Variants in DAPK2 observed in about 807,000 individuals in gnomAD.
DAPK2 encodes the protein death associated protein kinase 2.
In DAPK2, 35 loss-of-function variants were observed where a neutral mutation model predicts 44.1. The ratio of observed to expected loss-of-function variants is 0.79; its 90% CI spans 0.61 to 1.05. The LOEUF is 1.05. Ranked by LOEUF, DAPK2 falls within the 50% of genes least tolerant of loss-of-function variation. The probability of loss-of-function intolerance (pLI) is 0.00; values close to 1 mark genes in which losing one functional copy is unlikely to be tolerated. For synonymous variants in DAPK2, 174 were observed against 182.6 expected (o/e 0.95, Z 0.38); for missense variants, 453 against 483.2 (o/e 0.94, Z 0.59).
chr15:64,003,555 G>A (rs2079152174), intron 1 of DAPK2, among the ~76,000 whole-genome samples: 2 of 152,154 alleles, frequency 1.3e-5, no homozygotes, highest in Admixed American at 1.3e-4. Context: ...CAGTCATCCT[G>A]TCTTGGGTCT....
intron 1 of DAPK2, among the ~76,000 whole-genome samples, chr15:63,995,777 G>A (rs1270135341): frequency 6.6e-6 from 1 of 152,242 alleles, no homozygotes; most frequent in African/African-American, 2.4e-5. Flanking sequence ...AGGGTGAGCA[G>A]GTCCTGCTGC....
In DAPK2 at chr15:63,923,324, G is replaced by T; in HGVS notation, c.858+1492C>A. ...GGGCTCTGTCTTCCGCTGTTCAGGG[G>T]CTCTGCCTTCTCCTTTTGACTGGTG... is the stretch of plus-strand genomic sequence containing the variant. On this transcript the variant is annotated intron_variant, in intron 8 of 10. Coordinates refer to ENST00000261891, the Ensembl canonical transcript of DAPK2. This position sits in a 1 kb window ranked among gnomAD's most constrained non-coding sequence, Gnocchi z 4.2. The T allele has an allele frequency of 6.5e-7, 1 of 1,535,522 alleles. No individual in the cohort carries two copies. Among genetic ancestry groups the T allele is most frequent in the Non-Finnish European group, 8.7e-7 (1 of 1,146,410 alleles).
chr15:64,007,126 T>C (rs562817178), intron 1 of DAPK2, among the ~76,000 whole-genome samples: 35 of 151,052 alleles, frequency 2.3e-4, no homozygotes, highest in African/African-American at 7.7e-4. Context: ...TCCTAGCTAA[T>C]TGAAAAAAAA....
exon 2 of DAPK2, chr15:63,983,685 G>C: frequency 6.2e-7 from 1 of 1,613,880 alleles, no homozygotes; most frequent in Non-Finnish European, 8.5e-7. Flanking sequence ...GCCGCTTCTT[G>C]ATGAACTTGG....
chr15:63,967,482 G>A (rs1475573011), intron 3 of DAPK2, among the ~76,000 whole-genome samples: 1 of 152,114 alleles, frequency 6.6e-6, no homozygotes, highest in African/African-American at 2.4e-5. Context: ...CCTGAGGTCA[G>A]CAGTTCAAGA....
At chr15:64,044,816 C>T (rs1324310825), upstream of DAPK2, among the ~76,000 whole-genome samples, 3 of 152,170 alleles carry the variant, frequency 2.0e-5, no homozygotes, top group Non-Finnish European at 2.9e-5. Context: ...GTGAGTGAAA[C>T]GGGACCACAG....
rs145293813 is a variant in DAPK2, at chr15:63,960,600, C to T, written c.453+10823G>A. Among the ~76,000 whole-genome samples, 783 of 152,298 alleles carry T rather than the reference C, an allele frequency of 5.1e-3. 3 individuals are homozygous for T. The highest frequency in any genetic ancestry group is 0.018 in the African/African-American group (749 of 41,550). The stretch of plus-strand genomic sequence containing the variant: ...AACATCTTTATTTCTGTCTTCATTT[C>T]GTTATGTACCCAGTAGTCATTCAGG... On this transcript the variant is annotated intron_variant, in intron 3 of 10. Transcript: ENST00000261891.
chr15:64,028,341 GA>G (rs2079913388), intron 1 of DAPK2, among the ~76,000 whole-genome samples: 1 of 152,214 alleles, frequency 6.6e-6, no homozygotes, highest in Non-Finnish European at 1.5e-5. Flanking sequence ...TTTCAGGCAT[GA>G]ACCACTGCAC....
chr15:63,976,651 G>T (rs2078356339), intron 2 of DAPK2, among the ~76,000 whole-genome samples: 1 of 152,156 alleles, frequency 6.6e-6, no homozygotes, highest in South Asian at 2.1e-4. Context: ...GCTGTAGTGA[G>T]CCGTGATTGT....
intron 3 of DAPK2, among the ~76,000 whole-genome samples, chr15:63,947,703 T>C (rs2077484918): frequency 6.6e-6 from 1 of 152,236 alleles, no homozygotes. Flanking sequence ...ATAGGTGTTA[T>C]CATAGTCTCT....
At chr15:63,926,377 C>A (rs1490926212) in intron 6 of DAPK2, among the ~76,000 whole-genome samples, 1 of 152,040 alleles carries the variant, frequency 6.6e-6, no homozygotes, top group Admixed American at 6.5e-5. Flanking sequence ...TTGTGATCCC[C>A]AGCAAGACAA....
chr15:63,944,818 G>C (rs1027351284), intron 3 of DAPK2, among the ~76,000 whole-genome samples: 23 of 152,096 alleles, frequency 1.5e-4, no homozygotes, highest in Non-Finnish European at 2.8e-4. Context: ...CCTGATATTT[G>C]AAGTAGTCAA....
rs572114581 is a variant in DAPK2 at position 64,008,984 on chromosome 15, G to A, written c.93-25230C>T. 1.4e-4 allele frequency among the ~76,000 whole-genome samples: 21 copies of A among 152,250 alleles called. No individual in the cohort carries two copies. The South Asian group carries it at 3.7e-3, about 27-fold the overall frequency. On this transcript the variant is annotated intron_variant, in intron 1 of 10. Coordinates refer to ENST00000261891, the Ensembl canonical transcript of DAPK2. ...AAACATAAGACCTCTTTGTTTAAAG[G>A]AGGCATAGGAAAGTTGGCCAGAATT...
intron 4 of DAPK2, among the ~76,000 whole-genome samples, chr15:63,931,112 C>A (rs2079539904): frequency 6.6e-6 from 1 of 151,986 alleles, no homozygotes; most frequent in South Asian, 2.1e-4. Context: ...AACTTGTTTG[C>A]CCCTTTGGTC....
Position 63,912,016 on chromosome 15 carries a change from C to T in DAPK2, c.949-25G>A, listed in dbSNP as rs745658178. ...GCTGAGGGAGGCAGAGGAAAGGAAT[C>T]CCCAGGTGAGAATGTGCATGGAGAC... On this transcript the variant is annotated intron_variant, in intron 9 of 10. Transcript: ENST00000261891. This position sits in a 1 kb window ranked among gnomAD's most constrained non-coding sequence, Gnocchi z 4.4. The T allele has an allele frequency of 1.9e-6, 3 of 1,611,294 alleles. No individual in the cohort carries two copies. Among genetic ancestry groups the T allele is most frequent in the Non-Finnish European group, 1.7e-6 (2 of 1,178,724 alleles).
At position 63,966,892 on chromosome 15, in the gene DAPK2, T is replaced by G. The variant is rs1440188640; in HGVS notation, c.453+4531A>C. Among the ~76,000 whole-genome samples the G allele has an allele frequency of 6.6e-6, 1 of 152,084 alleles. No individual in the cohort carries two copies. Among genetic ancestry groups the G allele is most frequent in the Non-Finnish European group, 1.5e-5 (1 of 67,998 alleles). On this transcript the variant is annotated intron_variant, in intron 3 of 10. Transcript: ENST00000261891. This position sits in a 1 kb window ranked among gnomAD's most constrained non-coding sequence, Gnocchi z 5.5. ...TCTGTGATATGAAATTAAAACCAGG[T>G]ACTGTGGGCCGGGCGCAGTGGCTCA...
chr15:64,039,868 C>A (rs2080307850), intron 1 of DAPK2, among the ~76,000 whole-genome samples: 1 of 152,202 alleles, frequency 6.6e-6, no homozygotes, highest in African/African-American at 2.4e-5. Context: ...CATCCAGAGC[C>A]TGGGGAAGCT....
intron 3 of DAPK2, among the ~76,000 whole-genome samples, chr15:63,952,642 C>G (rs1288472923): frequency 8.4e-4 from 3 of 3,590 alleles, no homozygotes; most frequent in Non-Finnish European, 3.0e-3. Context: ...ATTCCATGAT[C>G]TGTTTTTTTT....
At chr15:63,926,011 C>T (rs749095099) in exon 7 of DAPK2, 1 of 1,614,242 alleles carries the variant, frequency 6.2e-7, no homozygotes, top group Non-Finnish European at 8.5e-7. Flanking sequence ...AAGAATTCCT[C>T]ATCAAAGTCG....
Sources: allele counts gnomAD v4.1 joint callset (sites outside exome capture counted in the v4.1 genomes callset), GRCh38; gene constraint gnomAD v4.1.1; non-coding constraint Gnocchi (gnomAD v3.1); transcripts MANE v1.5; gene names NCBI Gene and HGNC (gene_info 2026-07-23, HGNC 2026-07-21).